The following MPHOSPH8 variants were observed in gnomAD, a reference collection of about 807,000 sequenced individuals.
MPHOSPH8 encodes M-phase phosphoprotein, mpp.
Under a neutral mutation model 87.3 loss-of-function variants are expected in MPHOSPH8, and 45 were observed. The ratio of observed to expected loss-of-function variants is 0.52; its 90% CI spans 0.41 to 0.66. The LOEUF is 0.66. Ranked by LOEUF, MPHOSPH8 falls within the 30% of genes least tolerant of loss-of-function variation. MPHOSPH8 has a pLI of 0.00. For synonymous variants in MPHOSPH8, 366 were observed against 376.9 expected (o/e 0.97, Z 0.33); for missense variants, 883 against 1,020.2 (o/e 0.87, Z 1.83).
intron 5 of MPHOSPH8, among the ~76,000 whole-genome samples, chr13:19,657,381 A>AT (rs1162358163): frequency 6.6e-6 from 1 of 151,006 alleles, no homozygotes; most frequent in East Asian, 1.9e-4. Flanking sequence ...GCCAGGCAGA[A>AT]TTTTTTTTGC....
intron 5 of MPHOSPH8, among the ~76,000 whole-genome samples, chr13:19,653,157 C>T (rs1221023053): frequency 6.6e-6 from 1 of 152,166 alleles, no homozygotes; most frequent in East Asian, 1.9e-4. Context: ...CAGTAGGGGC[C>T]AACAGACGCC....
rs1344460167 is a variant in MPHOSPH8 at position 19,671,849 on chromosome 13, G to A, written c.2557G>A (p.Gly853Ser). Residue 853 changes from glycine to serine, a missense_variant, in exon 14 of 14, where the codon GGT becomes AGT. This residue lies in a region of MPHOSPH8 where 741 missense variants were observed against 841.5 expected (regional missense o/e 0.88). Coordinates refer to ENST00000361479, the MANE Select transcript of MPHOSPH8 (RefSeq NM_017520.4). ...APSAKVKLLI[G>S]AYRVQLQ ...CTTTCAACAGGTTAAGTTGCTAATA[G>A]GTGCATACAGAGTGCAGCTGCAGTG... is the stretch of plus-strand genomic sequence containing the variant. 1 of 1,614,156 alleles carries A rather than the reference G, an allele frequency of 6.2e-7. No homozygotes were observed. Among genetic ancestry groups the A allele is most frequent in the Admixed American group, 1.7e-5 (1 of 60,014 alleles).
intron 8 of MPHOSPH8, 69 bp downstream of exon 8, chr13:19,661,907 C>T: frequency 2.7e-6 from 4 of 1,458,204 alleles, no homozygotes; most frequent in Non-Finnish European, 2.8e-6. Flanking sequence ...GAGAGGATCT[C>T]TTTGGTAGTG....
rs1313828119 is a variant in MPHOSPH8 at position 19,670,339 on chromosome 13, T to C, written c.2433T>C (p.Asp811=). ...PCSVQAVVLN[D]KFQLPVFLDS... Reference sequence around the variant, plus strand: ...GTGTACAAGCTGTAGTTCTGAATGATAAATTTCAGCTTCCTGTTTTTCTGG... The same window carrying C: ...GTGTACAAGCTGTAGTTCTGAATGACAAATTTCAGCTTCCTGTTTTTCTGG... Residue 811 remains aspartate (D), a synonymous_variant, in exon 12 of 14, where the codon GAT becomes GAC. Coordinates refer to ENST00000361479, the MANE Select transcript of MPHOSPH8 (RefSeq NM_017520.4). 3.1e-6 allele frequency: 5 copies of C among 1,614,142 alleles called. No individual in the cohort carries two copies. Among genetic ancestry groups the C allele is most frequent in the East Asian group, 2.2e-5 (1 of 44,878 alleles).
At chr13:19,659,677 A>T in intron 7 of MPHOSPH8, 2 of 436,506 alleles carry the variant, frequency 4.6e-6, no homozygotes, top group Admixed American at 2.6e-5. Context: ...AAAAAAAAAA[A>T]ATAATGCACG....
At chr13:19,645,134 C>G (rs1320562828) in intron 2 of MPHOSPH8, among the ~76,000 whole-genome samples, 1 of 152,098 alleles carries the variant, frequency 6.6e-6, no homozygotes, top group East Asian at 1.9e-4. Context: ...CCACCTCTCC[C>G]CTTCTCCGCC....
At chr13:19,666,334 C>T in intron 9 of MPHOSPH8, 91 bp from the exon 10 acceptor site, 1 of 1,350,772 alleles carries the variant, frequency 7.4e-7, no homozygotes, top group East Asian at 2.3e-5. Flanking sequence ...GCCCTCTCTT[C>T]ACAGAACCGC....
intron 13 of MPHOSPH8, 52 bp from the exon 14 acceptor site, chr13:19,671,782 G>A (rs1876143079): frequency 1.0e-5 from 16 of 1,573,936 alleles, no homozygotes; most frequent in Admixed American, 1.8e-5. Context: ...TTTCTTGTAA[G>A]AAAGGGGAAA....
At chr13:19,639,695 G>T (rs1454203700) in intron 1 of MPHOSPH8, among the ~76,000 whole-genome samples, 1 of 152,022 alleles carries the variant, frequency 6.6e-6, no homozygotes. Context: ...GGAATGCAGG[G>T]GTAAGAGAGG....
At chr13:19,668,621 C>T in intron 11 of MPHOSPH8, 90 bp downstream of exon 11, 1 of 1,357,124 alleles carries the variant, frequency 7.4e-7, no homozygotes, top group Non-Finnish European at 1.0e-6. Flanking sequence ...TGGAACAAAA[C>T]TTTAAGGAAA....
intron 5 of MPHOSPH8, among the ~76,000 whole-genome samples, chr13:19,655,944 T>C (rs1875139259): frequency 6.6e-6 from 1 of 151,902 alleles, no homozygotes; most frequent in Non-Finnish European, 1.5e-5. Context: ...GAAACTCCAC[T>C]TCTACAAAAA....
At chr13:19,641,046 A>G (rs531807879) in intron 1 of MPHOSPH8, among the ~76,000 whole-genome samples, 6 of 152,186 alleles carry the variant, frequency 3.9e-5, no homozygotes, top group South Asian at 4.1e-4. Flanking sequence ...TATCTTTTCT[A>G]TTTTTCATTG....
intron 5 of MPHOSPH8, among the ~76,000 whole-genome samples, chr13:19,654,775 CCTCT>C (rs1259896601): frequency 6.6e-6 from 1 of 152,028 alleles, no homozygotes; most frequent in Non-Finnish European, 1.5e-5. Flanking sequence ...ATGGAAAAAC[CCTCT>C]CTCTACTAAA....
chr13:19,668,559 T>G, intron 11 of MPHOSPH8, 28 bp downstream of exon 11: 1 of 1,594,482 alleles, frequency 6.3e-7, no homozygotes, highest in Non-Finnish European at 8.6e-7. Context: ...TTCACACTTT[T>G]CTATGTGAAG....
intron 5 of MPHOSPH8, among the ~76,000 whole-genome samples, chr13:19,653,725 G>A (rs1874987348): frequency 6.6e-6 from 1 of 152,168 alleles, no homozygotes; most frequent in East Asian, 1.9e-4. Context: ...ATGACCTGAT[G>A]GAGCTGAAAA....
chr13:19,648,433 CA>C lies in MPHOSPH8; in HGVS notation c.1234del (p.Arg412GlufsTer27). The stretch of plus-strand genomic sequence containing the variant: ...CATGTCATTTTCAGGACAAAGAAAC[CA>C]AAAGAAATGAATCCAAAGAAAAATA... ...TDSAEEDKET[K>X]RNESKEKYQK... On this transcript the variant is annotated frameshift_variant, in exon 4 of 14. Transcript: ENST00000361479. LOFTEE classifies it high-confidence loss of function. 6.3e-7 allele frequency: 1 copy of C among 1,582,296 alleles called. No homozygotes were observed. Among genetic ancestry groups the C allele is most frequent in the Non-Finnish European group, 8.6e-7 (1 of 1,164,274 alleles).
At chr13:19,666,359 G>A in intron 9 of MPHOSPH8, 66 bp from the exon 10 acceptor site, 3 of 1,474,802 alleles carry the variant, frequency 2.0e-6, no homozygotes, top group Non-Finnish European at 2.8e-6. Flanking sequence ...CATGTATGGA[G>A]AAGGGACCAG....
Position 19,664,680 on chromosome 13 carries a change from G to A in MPHOSPH8, c.2019+1554G>A, listed in dbSNP as rs570966145. On this transcript the variant is annotated intron_variant, in intron 9 of 13. Coordinates refer to ENST00000361479, the MANE Select transcript of MPHOSPH8 (RefSeq NM_017520.4). ...AGTGGGTGAGGTGCCCACTTGGTAA[G>A]AGCTTGGTAACTGGAGGTGACGCCT... Among the ~76,000 whole-genome samples the A allele has an allele frequency of 8.0e-4, 122 of 152,280 alleles. 1 individual carries two copies. Among genetic ancestry groups the A allele is most frequent in the African/African-American group, 2.9e-3 (121 of 41,544 alleles).
Position 19,633,698 on chromosome 13 carries a change from T to A in MPHOSPH8, c.-51T>A, listed in dbSNP as rs533070568. Reference sequence around the variant, plus strand: ...CCGAGCGCGGAACGCGAGGGGCTGCTGGGGTGTTTGTCGCAGCGGGTTTTC... The same window carrying A: ...CCGAGCGCGGAACGCGAGGGGCTGCAGGGGTGTTTGTCGCAGCGGGTTTTC... On this transcript the variant is annotated 5_prime_UTR_variant, in exon 1 of 14. Transcript: ENST00000361479. 2.8e-5 allele frequency: 43 copies of A among 1,542,444 alleles called. No homozygotes were observed. In the Admixed American group the frequency reaches 5.3e-4, roughly 19 times the overall value.
Sources: gnomAD v4.1 joint callset for allele counts (sites outside exome capture counted in the v4.1 genomes callset) on GRCh38, gnomAD v4.1.1 for gene constraint, gnomAD v4.1.1 regional missense constraint, MANE v1.5 for transcripts, NCBI Gene and HGNC (gene_info 2026-07-23, HGNC 2026-07-21) for gene names.